MMUT: variants seen among roughly 807,000 people sequenced by gnomAD.
The protein encoded by MMUT is methylmalonyl-CoA mutase.
Under a neutral mutation model 79.9 loss-of-function variants are expected in MMUT, and 79 were observed. That is an observed-to-expected ratio of 0.99 (90% confidence interval 0.82 to 1.19). The LOEUF (loss-of-function observed/expected upper bound fraction) is 1.19. Ranked by LOEUF, MMUT falls within the 50% of genes most tolerant of loss-of-function variation. The probability of loss-of-function intolerance (pLI) is 0.00; values close to 1 mark genes in which losing one functional copy is unlikely to be tolerated. For missense variants in MMUT, 860 were observed against 917.2 expected (o/e 0.94, Z 0.81); for synonymous variants, 273 against 295.7 (o/e 0.92, Z 0.79).
At chr6:49,434,156 C>A (rs571307178) in intron 12 of MMUT, among the ~76,000 whole-genome samples, 115 of 152,164 alleles carry the variant, frequency 7.6e-4, no homozygotes, top group African/African-American at 2.7e-3. Flanking sequence ...TCTAAAACTG[C>A]AACGCTGATA....
intron 4 of MMUT, among the ~76,000 whole-genome samples, chr6:49,455,746 T>C (rs1168089269): frequency 6.6e-6 from 1 of 152,102 alleles, no homozygotes; most frequent in East Asian, 1.9e-4. Flanking sequence ...AAAATAATAA[T>C]AGATGAATTC....
Position 49,456,179 on chromosome 6 carries a change from GC to G in MMUT, c.811del (p.Ala271LeufsTer11), listed in dbSNP as rs764189353. 1 of 1,612,146 alleles carries G rather than the reference GC, an allele frequency of 6.2e-7. No homozygotes were observed. The highest frequency in any genetic ancestry group is 8.5e-7 in the Non-Finnish European group (1 of 1,178,390). On this transcript the variant is annotated frameshift_variant, in exon 4 of 13. Transcript: ENST00000274813. LOFTEE classifies it high-confidence loss of function. Reference sequence around the variant, plus strand: ...ATAGGCCAGCTCCAGAATGGCATCAGCCCCTGCTTCCTGCATATGGTATCCA... The same window carrying G: ...ATAGGCCAGCTCCAGAATGGCATCAGCCCTGCTTCCTGCATATGGTATCCA... ...ISGYHMQEAG[A>X]DAILELAYTL...
rs201741770 is a variant in MMUT at position 49,451,512 on chromosome 6, T to C, written c.1286A>G (p.Tyr429Cys). 7.8e-5 allele frequency: 126 copies of C among 1,614,116 alleles called. No individual in the cohort carries two copies. In the East Asian group the frequency reaches 1.2e-3, roughly 16 times the overall value. The change falls in exon 6 of 13, where the codon TAC (tyrosine) becomes TGC (cysteine). Residue 429 changes from tyrosine to cysteine, a missense_variant. Tyr to Cys is a radical substitution (Grantham distance 194). Coordinates refer to ENST00000274813, the MANE Select transcript of MMUT (RefSeq NM_000255.4). ...PKVADPWGGS[Y>C]MMECLTNDVY... ...ATCATTTGTGAGACATTCCATCATGTAAGAACCTCCCCAAGGATCAGCCAC... is the reference window on the plus strand; with the variant it reads ...ATCATTTGTGAGACATTCCATCATGCAAGAACCTCCCCAAGGATCAGCCAC...
chr6:49,456,207 T>C lies in MMUT; in HGVS notation c.784A>G (p.Ser262Gly), dbSNP rs1262192162. The C allele has an allele frequency of 6.2e-7, 1 of 1,611,520 alleles. No homozygotes were observed. The highest frequency in any genetic ancestry group is 1.7e-5 in the Admixed American group (1 of 59,970). ...CCTGCTTCCTGCATATGGTATCCAC[T>C]AATTGAAATTGAATTAAATTTTGGC... ...HMPKFNSISI[S>G]GYHMQEAGAD... Residue 262 changes from serine to glycine, a missense_variant, in exon 4 of 13, where the codon AGT (serine) becomes GGT (glycine). Coordinates refer to ENST00000274813, the MANE Select transcript of MMUT (RefSeq NM_000255.4).
chr6:49,439,348 C>T (rs1391601288), intron 11 of MMUT, among the ~76,000 whole-genome samples: 1 of 152,132 alleles, frequency 6.6e-6, no homozygotes, highest in African/African-American at 2.4e-5. Context: ...GGCCCTTCCT[C>T]CAAAATCTTA....
chr6:49,445,283 T>A lies in MMUT; in HGVS notation c.1561-529A>T, dbSNP rs146420376. Among the ~76,000 whole-genome samples the A allele has an allele frequency of 9.2e-5, 14 of 152,208 alleles. No individual in the cohort carries two copies. The East Asian group carries it at 2.7e-3, about 29-fold the overall frequency. On this transcript the variant is annotated intron_variant, in intron 8 of 12. Coordinates refer to ENST00000274813, the MANE Select transcript of MMUT (RefSeq NM_000255.4). ...GAGGGACTAAGAAAAAGATATACAA[T>A]GAAAAGCACAGTAAAAAAGTTTTCC...
Position 49,441,908 on chromosome 6 carries a change from A to G in MMUT, c.1740T>C (p.Asp580=). ...GGCGATATGCTCCACTCACCATTCG[A>G]TCATTCGCTTTATGTTCACCAAATA... is the stretch of plus-strand genomic sequence containing the variant. ...KKVFGEHKAN[D]RMVSGAYRQE... Residue 580 remains aspartate, a synonymous_variant, in exon 10 of 13, where the codon GAT becomes GAC. Coordinates refer to ENST00000274813, the MANE Select transcript of MMUT (RefSeq NM_000255.4). The G allele has an allele frequency of 6.2e-7, 1 of 1,612,220 alleles. No homozygotes were observed. Among genetic ancestry groups the G allele is most frequent in the Non-Finnish European group, 8.5e-7 (1 of 1,178,836 alleles).
rs1767234724 is a variant in MMUT at position 49,440,186 on chromosome 6, C to T, written c.1956+20G>A. ...TGACTAGTAAATACTTTTGAAATTC[C>T]CCCCAACAGTTTTTAGTACCTGGAA... On this transcript the variant is annotated intron_variant, in intron 11 of 12. Coordinates refer to ENST00000274813, the MANE Select transcript of MMUT (RefSeq NM_000255.4). The T allele has an allele frequency of 8.7e-6, 14 of 1,613,568 alleles. No individual in the cohort carries two copies. The African/African-American group carries it at 1.2e-4, about 14-fold the overall frequency.
intron 3 of MMUT, among the ~76,000 whole-genome samples, chr6:49,456,522 T>C (rs1211455209): frequency 6.6e-6 from 1 of 152,228 alleles, no homozygotes; most frequent in Non-Finnish European, 1.5e-5. Flanking sequence ...TGGAATTAGC[T>C]AGCTGAGGTT....
In MMUT at chr6:49,439,936, C is replaced by T. The variant is rs150151130; in HGVS notation, c.1956+270G>A. ...AAGTGAAAAGTGATCAAGGTCTCTC[C>T]GAATAAGATTATGACAAAGCCAGAG... On this transcript the variant is annotated intron_variant, in intron 11 of 12. Transcript: ENST00000274813. 6.5e-3 allele frequency among the ~76,000 whole-genome samples: 987 copies of T among 152,198 alleles called. 11 individuals carry two copies. Among genetic ancestry groups the T allele is most frequent in the African/African-American group, 0.022 (933 of 41,512 alleles).
chr6:49,451,786 G>A, intron 5 of MMUT, 72 bp from the exon 6 acceptor site: 2 of 1,439,092 alleles, frequency 1.4e-6, no homozygotes, highest in Non-Finnish European at 1.9e-6. Context: ...ACAGCAACAT[G>A]ATTAAACAGC....
chr6:49,444,174 G>C (rs76804522), intron 9 of MMUT, among the ~76,000 whole-genome samples: 20 of 152,018 alleles, frequency 1.3e-4, no homozygotes, highest in Middle Eastern at 3.4e-3. Flanking sequence ...GGACTGGGAG[G>C]GGGGTGTGGG....
intron 1 of MMUT, among the ~76,000 whole-genome samples, chr6:49,460,184 G>T (rs776217441): frequency 6.6e-6 from 1 of 152,152 alleles, no homozygotes; most frequent in Admixed American, 6.5e-5. Context: ...AATTTGCAGC[G>T]TTTCTATGTG....
In MMUT at chr6:49,431,725, A is replaced by AT; in HGVS notation, c.*2dup. On this transcript the variant is annotated 3_prime_UTR_variant, in exon 13 of 13. Coordinates refer to ENST00000274813, the MANE Select transcript of MMUT (RefSeq NM_000255.4). ...AGACAAAAGCTAAAACAAAAAGAGGATATTATACAGATTGCTGCTTCTTTT... is the reference window on the plus strand; with the variant it reads ...AGACAAAAGCTAAAACAAAAAGAGGATTATTATACAGATTGCTGCTTCTTTT... The AT allele has an allele frequency of 6.2e-7, 1 of 1,613,124 alleles. No individual in the cohort carries two copies.
chr6:49,448,134 AT>A (rs1250969032), intron 7 of MMUT, among the ~76,000 whole-genome samples: 1 of 151,978 alleles, frequency 6.6e-6, no homozygotes, highest in African/African-American at 2.4e-5. Context: ...CTTTTCTAAT[AT>A]TTTTTTGAAT....
At chr6:49,442,847 G>A (rs1767311399) in intron 9 of MMUT, among the ~76,000 whole-genome samples, 1 of 152,052 alleles carries the variant, frequency 6.6e-6, no homozygotes, top group Admixed American at 6.6e-5. Flanking sequence ...AGAGAGATGG[G>A]CAAGAGTCAC....
intron 1 of MMUT, among the ~76,000 whole-genome samples, chr6:49,461,175 T>C (rs140418656): frequency 2.0e-5 from 3 of 152,314 alleles, no homozygotes; most frequent in African/African-American, 7.2e-5. Context: ...AATGGTTACT[T>C]AATGGTTGCT....
Position 49,453,762 on chromosome 6 carries a change from A to G in MMUT, c.912-6T>C. On this transcript the variant is annotated splice_region_variant and splice_polypyrimidine_tract_variant and intron_variant, in intron 4 of 12. Coordinates refer to ENST00000274813, the MANE Select transcript of MMUT (RefSeq NM_000255.4). ...TTCCCCAGAAGAAAGACAACCTAAAATAGTAACGTTAGGTCCAGAATTTAA... is the reference window on the plus strand; with the variant it reads ...TTCCCCAGAAGAAAGACAACCTAAAGTAGTAACGTTAGGTCCAGAATTTAA... The G allele has an allele frequency of 6.2e-7, 1 of 1,608,326 alleles. No homozygotes were observed. Among genetic ancestry groups the G allele is most frequent in the Non-Finnish European group, 8.5e-7 (1 of 1,175,208 alleles).
chr6:49,453,204 A>C (rs1767600886), intron 5 of MMUT, among the ~76,000 whole-genome samples: 1 of 151,388 alleles, frequency 6.6e-6, no homozygotes, highest in South Asian at 2.1e-4. Flanking sequence ...ACCACGCCCA[A>C]CTAATTTTGT....
Sources: allele counts gnomAD v4.1 joint callset (sites outside exome capture counted in the v4.1 genomes callset), GRCh38; gene constraint gnomAD v4.1.1; transcripts MANE v1.5; gene names NCBI Gene and HGNC (gene_info 2026-07-23, HGNC 2026-07-21).